Variants in FCHSD2 observed in about 807,000 individuals in gnomAD.
The protein encoded by FCHSD2 is FCH and double SH3 domains 2.
A neutral mutation model predicts 108.1 loss-of-function variants in FCHSD2; 38 were observed. The ratio of observed to expected loss-of-function variants is 0.35; its 90% confidence interval spans 0.27 to 0.46. FCHSD2 has a LOEUF of 0.46. Ranked by LOEUF, FCHSD2 falls within the 20% of genes least tolerant of loss-of-function variation. The probability of loss-of-function intolerance (pLI) is 1.00; values close to 1 mark genes in which losing one functional copy is unlikely to be tolerated. For missense variants in FCHSD2, 751 were observed against 897.8 expected (o/e 0.84, Z 2.09); for synonymous variants, 279 against 314.7 (o/e 0.89, Z 1.20).
chr11:72,970,731 T>C (rs1856991959), intron 8 of FCHSD2, among the ~76,000 whole-genome samples: 1 of 152,196 alleles, frequency 6.6e-6, no homozygotes, highest in South Asian at 2.1e-4. Flanking sequence ...CGAATTCTTC[T>C]ATGAAGAAAA....
At chr11:72,900,907 T>A (rs1855513233) in intron 10 of FCHSD2, among the ~76,000 whole-genome samples, 1 of 152,234 alleles carries the variant, frequency 6.6e-6, no homozygotes, top group African/African-American at 2.4e-5. Context: ...ATGAATATAA[T>A]TTGATTTTCC....
chr11:73,028,154 C>T (rs1858273015), intron 3 of FCHSD2, among the ~76,000 whole-genome samples: 1 of 152,104 alleles, frequency 6.6e-6, no homozygotes, highest in South Asian at 2.1e-4. Flanking sequence ...CCTCCAGATC[C>T]CAGAAAACCT....
chr11:72,984,607 C>G (rs950028974), intron 7 of FCHSD2, among the ~76,000 whole-genome samples: 1 of 152,200 alleles, frequency 6.6e-6, no homozygotes, highest in Non-Finnish European at 1.5e-5. Context: ...GCCAGATGAA[C>G]TGCATGCTAG....
In FCHSD2 at chr11:72,842,770, T is replaced by C; in HGVS notation, c.1777A>G (p.Ile593Val). The C allele has an allele frequency of 6.2e-7, 1 of 1,614,006 alleles. No homozygotes were observed. Among genetic ancestry groups the C allele is most frequent in the Non-Finnish European group, 8.5e-7 (1 of 1,179,880 alleles). ...TTTTCTTTGTTCAAGATACGGATTA[T>C]TGCTCCCTCAGGAAAAGATAACTCA... is the stretch of plus-strand genomic sequence containing the variant. ...DDELSFPEGA[I>V]IRILNKENQD... Residue 593 changes from isoleucine (I) to valine (V), a missense_variant, in exon 17 of 20, where the codon ATA becomes GTA. By Grantham distance (29) the Ile-to-Val change is conservative. Transcript: ENST00000409418.
At chr11:72,856,310 A>G (rs1170453164) in intron 13 of FCHSD2, among the ~76,000 whole-genome samples, 1 of 152,302 alleles carries the variant, frequency 6.6e-6, no homozygotes, top group East Asian at 1.9e-4. Context: ...GATGAGTCCA[A>G]AAGTACAGGC....
At chr11:73,139,028 G>A (rs1861186302) in intron 2 of FCHSD2, among the ~76,000 whole-genome samples, 1 of 152,162 alleles carries the variant, frequency 6.6e-6, no homozygotes, top group Admixed American at 6.5e-5. Context: ...TATCCAGGTT[G>A]GATGAGAATA....
chr11:72,985,967 T>C (rs1042256452), intron 6 of FCHSD2, among the ~76,000 whole-genome samples: 1 of 152,188 alleles, frequency 6.6e-6, no homozygotes, highest in African/African-American at 2.4e-5. Flanking sequence ...AATACATGTG[T>C]TGGCAGCTGT....
intron 8 of FCHSD2, among the ~76,000 whole-genome samples, chr11:72,937,224 A>G (rs1306639099): frequency 6.6e-6 from 1 of 152,234 alleles, no homozygotes. Flanking sequence ...ATATTTAGGT[A>G]TCTAAATCAG....
intron 3 of FCHSD2, among the ~76,000 whole-genome samples, chr11:73,034,712 A>G (rs564479053): frequency 3.3e-4 from 50 of 152,364 alleles, no homozygotes; most frequent in African/African-American, 1.2e-3. Flanking sequence ...CAATAAACTT[A>G]TTTGCACAAA....
intron 12 of FCHSD2, among the ~76,000 whole-genome samples, chr11:72,868,727 A>G (rs1854786007): frequency 6.6e-6 from 1 of 151,244 alleles, no homozygotes; most frequent in African/African-American, 2.4e-5. Flanking sequence ...ACAAACCAAG[A>G]AACTATATAA....
intron 3 of FCHSD2, among the ~76,000 whole-genome samples, chr11:73,059,207 A>T (rs1418915538): frequency 6.6e-6 from 1 of 152,204 alleles, no homozygotes; most frequent in Non-Finnish European, 1.5e-5. Flanking sequence ...ATTTCAAAAT[A>T]CAGAGTCTAT....
At position 72,840,955 on chromosome 11, in the gene FCHSD2, T is replaced by G. The variant is rs1860908898; in HGVS notation, c.2061A>C (p.Lys687Asn). Residue 687 changes from lysine (K) to asparagine (N), a missense_variant, in exon 19 of 20, where the codon AAA (lysine) becomes AAC (asparagine). Transcript: ENST00000409418. ...YFPRSPSANEKSLHAESPGFS... is the reference protein window; with the variant it reads ...YFPRSPSANENSLHAESPGFS... Reference sequence around the variant, plus strand: ...ATCCTGGTGACTCAGCATGAAGGCTTTTTTCTAAGGGAGAAAACCAAAGAA... The same window carrying G: ...ATCCTGGTGACTCAGCATGAAGGCTGTTTTCTAAGGGAGAAAACCAAAGAA... 5 of 1,611,994 alleles carry G rather than the reference T, an allele frequency of 3.1e-6. No individual in the cohort carries two copies. The highest frequency in any genetic ancestry group is 4.2e-6 in the Non-Finnish European group (5 of 1,178,380).
At chr11:72,912,564 G>T (rs1855785386) in intron 9 of FCHSD2, among the ~76,000 whole-genome samples, 1 of 152,064 alleles carries the variant, frequency 6.6e-6, no homozygotes, top group Non-Finnish European at 1.5e-5. Context: ...TGTTCATCAG[G>T]GATACTGGCT....
At chr11:72,967,763 G>A (rs1856937776) in intron 8 of FCHSD2, among the ~76,000 whole-genome samples, 1 of 152,262 alleles carries the variant, frequency 6.6e-6, no homozygotes, top group African/African-American at 2.4e-5. Flanking sequence ...GAGTTTTATG[G>A]TATGTGAATT....
intron 2 of FCHSD2, among the ~76,000 whole-genome samples, chr11:73,087,992 A>C (rs141145006): frequency 6.6e-6 from 1 of 152,114 alleles, no homozygotes; most frequent in Non-Finnish European, 1.5e-5. Flanking sequence ...TGATCCTCTC[A>C]CCTCAGCCTC....
intron 3 of FCHSD2, among the ~76,000 whole-genome samples, chr11:73,079,385 A>T (rs1371397591): frequency 6.6e-6 from 1 of 151,852 alleles, no homozygotes; most frequent in Non-Finnish European, 1.5e-5. Context: ...TTTTTAGTAG[A>T]GACGGGGTTT....
Position 72,850,006 on chromosome 11 carries a change from T to C in FCHSD2, c.1309-117A>G, listed in dbSNP as rs547091456. 1.2e-3 allele frequency: 808 copies of C among 666,410 alleles called. 1 individual carries two copies. The highest frequency in any genetic ancestry group is 1.8e-3 in the Non-Finnish European group (693 of 395,464). 41.3% of individuals were successfully genotyped at this position (666,410 alleles called of 1,614,324 possible). On this transcript the variant is annotated intron_variant, in intron 13 of 19. Coordinates refer to ENST00000409418, the MANE Select transcript of FCHSD2 (RefSeq NM_014824.3). ...TGTTAATTTGCCTTTTAACTCTGCA[T>C]AGAAATGACTATCTTTCGCACTTAC...
At chr11:72,926,959 A>C in intron 8 of FCHSD2, among the ~76,000 whole-genome samples, 1 of 152,208 alleles carries the variant, frequency 6.6e-6, no homozygotes, top group East Asian at 1.9e-4. Flanking sequence ...AGTAGTACCT[A>C]ACTACTTATA....
rs1250440692 is a variant in FCHSD2, at chr11:73,093,347, T to C, written c.120-9607A>G. 3.9e-5 allele frequency among the ~76,000 whole-genome samples: 6 copies of C among 152,284 alleles called. No homozygotes were observed. The East Asian group carries it at 1.2e-3, about 29-fold the overall frequency. Reference sequence around the variant, plus strand: ...GAGCTCTGAGAGTCCTGGCAAATTATTGAATCTAAGGTGGTCTTGGGACCC... The same window carrying C: ...GAGCTCTGAGAGTCCTGGCAAATTACTGAATCTAAGGTGGTCTTGGGACCC... On this transcript the variant is annotated intron_variant, in intron 2 of 19. Transcript: ENST00000409418.
Sources: allele counts gnomAD v4.1 joint callset (sites outside exome capture counted in the v4.1 genomes callset), GRCh38; gene constraint gnomAD v4.1.1; transcripts MANE v1.5; gene names NCBI Gene and HGNC (gene_info 2026-07-23, HGNC 2026-07-21).